The following GLIS1 variants were observed in gnomAD, a reference collection of about 807,000 sequenced individuals.
GLIS1 encodes GLIS family zinc finger 1.
A neutral mutation model predicts 63.8 loss-of-function variants in GLIS1; 24 were observed. The ratio of observed to expected loss-of-function variants is 0.38; its 90% CI spans 0.27 to 0.53. GLIS1 has a LOEUF of 0.53. Ranked by LOEUF, GLIS1 falls within the 20% of genes least tolerant of loss-of-function variation. The pLI is 0.85. For missense variants in GLIS1, 1,036 were observed against 1,074.1 expected (o/e 0.96, Z 0.50); for synonymous variants, 450 against 482.5 (o/e 0.93, Z 0.88).
intron 3 of GLIS1, among the ~76,000 whole-genome samples, chr1:53,597,434 T>C (rs931031939): frequency 4.0e-5 from 6 of 151,352 alleles, no homozygotes; most frequent in Admixed American, 2.0e-4. Flanking sequence ...ACCATTGTTT[T>C]TTATTAGCCG....
chr1:53,675,214 A>G (rs1570029082), intron 2 of GLIS1, among the ~76,000 whole-genome samples: 1 of 152,214 alleles, frequency 6.6e-6, no homozygotes. Context: ...ACCCTGTTAA[A>G]TTAATATTCA....
chr1:53,662,675 GC>G (rs779630374), intron 2 of GLIS1, among the ~76,000 whole-genome samples: 3 of 152,100 alleles, frequency 2.0e-5, no homozygotes, highest in African/African-American at 4.8e-5. Flanking sequence ...GTAATCAGGT[GC>G]CCCAGATCCA....
intron 2 of GLIS1, among the ~76,000 whole-genome samples, chr1:53,708,980 T>C (rs1646610028): frequency 6.6e-6 from 1 of 152,094 alleles, no homozygotes; most frequent in Non-Finnish European, 1.5e-5. Flanking sequence ...GTACACTCCA[T>C]GAAGTGTGTA....
At chr1:53,690,241 C>A (rs184393287) in intron 2 of GLIS1, among the ~76,000 whole-genome samples, 4 of 152,358 alleles carry the variant, frequency 2.6e-5, no homozygotes, top group African/African-American at 9.6e-5. Context: ...CTCGGCACCA[C>A]GACACCGCAT....
chr1:53,596,854 G>T (rs993044210), intron 3 of GLIS1, among the ~76,000 whole-genome samples: 1 of 152,076 alleles, frequency 6.6e-6, no homozygotes, highest in African/African-American at 2.4e-5. Flanking sequence ...ATCTCAGATC[G>T]CATGTCTCTG....
intron 2 of GLIS1, among the ~76,000 whole-genome samples, chr1:53,619,331 G>A (rs1257938963): frequency 1.3e-5 from 2 of 152,220 alleles, no homozygotes. Context: ...CTAAGGATGA[G>A]GTGCACACCT....
Position 53,509,969 on chromosome 1 carries a change from G to A in GLIS1, c.1942C>T (p.Pro648Ser). The change falls in exon 9 of 11, where the codon CCG (proline) becomes TCG (serine). Residue 648 changes from proline to serine, a missense_variant. Transcript: ENST00000628545. ...VSPLKGLGPP[P>S]LPPSSQSHSP... is the part of the protein sequence containing the mutation. Reference sequence around the variant, plus strand: ...TGGCTCTGAGAGGATGGGGGCAGCGGCGGTGGCCCCAGCCCCTTCAGGGGG... The same window carrying A: ...TGGCTCTGAGAGGATGGGGGCAGCGACGGTGGCCCCAGCCCCTTCAGGGGG... 2 of 1,295,124 alleles carry A rather than the reference G, an allele frequency of 1.5e-6. No individual in the cohort carries two copies. The highest frequency in any genetic ancestry group is 9.9e-7 in the Non-Finnish European group (1 of 1,013,348). 80.2% of individuals were successfully genotyped at this position (1,295,124 alleles called of 1,614,324 possible). A position where few individuals can be genotyped will look rare whatever the true frequency, so the allele number is the denominator to read the frequency against.
intron 4 of GLIS1, among the ~76,000 whole-genome samples, chr1:53,543,165 C>A (rs889923776): frequency 1.3e-5 from 2 of 152,112 alleles, no homozygotes; most frequent in African/African-American, 4.8e-5. Flanking sequence ...TTTTCTCTTT[C>A]TCACTCCAGT....
chr1:53,641,670 A>C (rs1645788579), intron 2 of GLIS1, among the ~76,000 whole-genome samples: 1 of 152,104 alleles, frequency 6.6e-6, no homozygotes, highest in African/African-American at 2.4e-5. Flanking sequence ...TGAATAAACA[A>C]GGACAAGTAG....
At chr1:53,587,063 G>C (rs1214262403) in intron 4 of GLIS1, among the ~76,000 whole-genome samples, 1 of 152,324 alleles carries the variant, frequency 6.6e-6, no homozygotes, top group African/African-American at 2.4e-5. Flanking sequence ...AGGATGTATA[G>C]GAGTTTGCCA....
At chr1:53,542,069 C>G (rs1342679889) in intron 4 of GLIS1, among the ~76,000 whole-genome samples, 3 of 152,254 alleles carry the variant, frequency 2.0e-5, no homozygotes, top group Non-Finnish European at 1.5e-5. Flanking sequence ...GAGCCACTGC[C>G]TCCTCCCCAA....
intron 2 of GLIS1, among the ~76,000 whole-genome samples, chr1:53,696,865 G>C (rs1259251984): frequency 2.6e-5 from 4 of 152,186 alleles, no homozygotes; most frequent in Non-Finnish European, 5.9e-5. Flanking sequence ...GCAGAACTCT[G>C]TCTCTTAAAG....
chr1:53,605,815 T>C lies in GLIS1; in HGVS notation c.260-5537A>G, dbSNP rs546182463. ...TAGACACCTGGGCCCCCCAGGCATG[T>C]GCCCTCTCATTCCCTCATTCCCAGC... On this transcript the variant is annotated intron_variant, in intron 2 of 10. Coordinates refer to ENST00000628545, the MANE Select transcript of GLIS1 (RefSeq NM_001367484.1). Among the ~76,000 whole-genome samples, 19 of 152,354 alleles carry C rather than the reference T, an allele frequency of 1.2e-4. No homozygotes were observed. The South Asian group carries it at 3.9e-3, about 32-fold the overall frequency.
chr1:53,729,146 C>T (rs1199651391), intron 2 of GLIS1, among the ~76,000 whole-genome samples: 2 of 152,180 alleles, frequency 1.3e-5, no homozygotes, highest in Non-Finnish European at 2.9e-5. Context: ...ATACTTAGAA[C>T]ATTTGGATAC....
At chr1:53,729,389 A>G (rs1379145710) in intron 2 of GLIS1, among the ~76,000 whole-genome samples, 1 of 152,160 alleles carries the variant, frequency 6.6e-6, no homozygotes. Context: ...CTGTTTGATC[A>G]ATCATTTGGC....
intron 2 of GLIS1, among the ~76,000 whole-genome samples, chr1:53,686,306 C>T (rs1038550808): frequency 1.3e-5 from 2 of 152,226 alleles, no homozygotes; most frequent in African/African-American, 4.8e-5. Flanking sequence ...CCCTTGTTAT[C>T]TTTCAGCTCC....
At position 53,519,561 on chromosome 1, in the gene GLIS1, C is replaced by A. The variant is rs115881350; in HGVS notation, c.1726+1073G>T. The stretch of plus-strand genomic sequence containing the variant: ...GGGGGTAGAGCGCAAGGACTGTCAG[C>A]TGGAATCCAAAGGCCACGCTGCCCT... On this transcript the variant is annotated intron_variant, in intron 7 of 10. Transcript: ENST00000628545. Among the ~76,000 whole-genome samples, 178 of 152,292 alleles carry A rather than the reference C, an allele frequency of 1.2e-3. 1 individual carries two copies. Among genetic ancestry groups the A allele is most frequent in the African/African-American group, 4.2e-3 (173 of 41,560 alleles).
chr1:53,604,854 T>C (rs1645352963), intron 2 of GLIS1, among the ~76,000 whole-genome samples: 1 of 151,976 alleles, frequency 6.6e-6, no homozygotes, highest in South Asian at 2.1e-4. Flanking sequence ...TTTGTGGGTA[T>C]ATAGTCCCTG....
intron 1 of GLIS1, 44 bp from the exon 2 acceptor site, chr1:53,738,150 G>T: frequency 8.7e-7 from 1 of 1,144,698 alleles, no homozygotes; most frequent in Non-Finnish European, 1.1e-6. Context: ...GCGGAAAGCG[G>T]CCCCCGTATT....
Sources: allele counts gnomAD v4.1 joint callset (sites outside exome capture counted in the v4.1 genomes callset), GRCh38; gene constraint gnomAD v4.1.1; transcripts MANE v1.5; gene names NCBI Gene and HGNC (gene_info 2026-07-23, HGNC 2026-07-21).